Variants in CDIPT observed in about 807,000 individuals in gnomAD.
CDIPT encodes PI synthase.
In CDIPT, 17 loss-of-function variants were observed where a neutral mutation model predicts 21.6. The ratio of observed to expected loss-of-function variants is 0.79; its 90% CI spans 0.54 to 1.18. CDIPT has a LOEUF of 1.18. Ranked by LOEUF, CDIPT falls within the 50% of genes most tolerant of loss-of-function variation. The pLI is 0.00. For synonymous variants in CDIPT, 119 were observed against 117.9 expected (o/e 1.01, Z -0.06); for missense variants, 254 against 284.9 (o/e 0.89, Z 0.78).
At position 29,861,266 on chromosome 16, in the gene CDIPT, G is replaced by A; in HGVS notation, c.179-7C>T. On this transcript the variant is annotated splice_region_variant and splice_polypyrimidine_tract_variant and intron_variant, in intron 2 of 5. Coordinates refer to ENST00000219789, the MANE Select transcript of CDIPT (RefSeq NM_006319.5). Reference sequence around the variant, plus strand: ...ATGGCCCCAAACCGGGTTCCTGGAAGATTAGGTGGGCAAGGGCTGTTATGG... The same window carrying A: ...ATGGCCCCAAACCGGGTTCCTGGAAAATTAGGTGGGCAAGGGCTGTTATGG... The A allele has an allele frequency of 6.2e-7, 1 of 1,614,138 alleles. No individual in the cohort carries two copies. Among genetic ancestry groups the A allele is most frequent in the South Asian group, 1.1e-5 (1 of 91,074 alleles).
intron 3 of CDIPT, 74 bp from the exon 4 acceptor site, chr16:29,860,736 A>G (rs1021734858): frequency 1.5e-5 from 13 of 858,428 alleles, no homozygotes; most frequent in Admixed American, 7.9e-5. Context: ...GTTAACACCT[A>G]TTGTACAGAT....
chr16:29,861,039 C>T (rs748019050), intron 3 of CDIPT, 67 bp downstream of exon 3: 10 of 1,532,400 alleles, frequency 6.5e-6, no homozygotes, highest in South Asian at 2.2e-5. Flanking sequence ...GACACCCTTC[C>T]GTCTAGGCTC....
chr16:29,859,188 G>T lies in CDIPT; in HGVS notation c.*1C>A. The T allele has an allele frequency of 6.3e-7, 1 of 1,593,750 alleles. No individual in the cohort carries two copies. Among genetic ancestry groups the T allele is most frequent in the Non-Finnish European group, 8.5e-7 (1 of 1,171,786 alleles). The stretch of plus-strand genomic sequence containing the variant: ...GGCAGCCAGGACCCGGGGCTCCAGC[G>T]TCACTTCTTCTTGGCGCGGTCTGCT... On this transcript the variant is annotated 3_prime_UTR_variant, in exon 6 of 6. Coordinates refer to ENST00000219789, the MANE Select transcript of CDIPT (RefSeq NM_006319.5). This position sits in a 1 kb window ranked among gnomAD's most constrained non-coding sequence, Gnocchi z 4.5.
chr16:29,861,738 GTTTTTTT>G (rs948369652), intron 2 of CDIPT: 14 of 433,856 alleles, frequency 3.2e-5, no homozygotes, highest in African/African-American at 2.5e-4. Context: ...TTTGTTTTTT[GTTTTTTT>G]TTTTCCGAGA....
chr16:29,859,338 C>A lies in CDIPT; in HGVS notation c.497-4G>T. 6.4e-7 allele frequency: 1 copy of A among 1,565,010 alleles called. No individual in the cohort carries two copies. Among genetic ancestry groups the A allele is most frequent in the Non-Finnish European group, 8.7e-7 (1 of 1,154,348 alleles). ...CGGAACAGTCCCACAGAGCCAACTGCAGGAAGGCAGCAGGGGAGTTTGGGG... is the reference window on the plus strand; with the variant it reads ...CGGAACAGTCCCACAGAGCCAACTGAAGGAAGGCAGCAGGGGAGTTTGGGG... On this transcript the variant is annotated splice_region_variant and splice_polypyrimidine_tract_variant and intron_variant, in intron 5 of 5. Coordinates refer to ENST00000219789, the MANE Select transcript of CDIPT (RefSeq NM_006319.5). The surrounding 1 kb of genome is among the most constrained non-coding windows in gnomAD (Gnocchi z 4.5).
chr16:29,861,404 C>CTG, intron 2 of CDIPT, 145 bp from the exon 3 acceptor site: 2 of 1,545,672 alleles, frequency 1.3e-6, no homozygotes, highest in Non-Finnish European at 8.7e-7. Context: ...AGAAAACAGG[C>CTG]TGTGTGTGAG....
In CDIPT at chr16:29,859,270, C is replaced by A. The variant is rs375968767; in HGVS notation, c.561G>T (p.Ser187=). The A allele has an allele frequency of 1.9e-6, 3 of 1,584,994 alleles. No homozygotes were observed. Among genetic ancestry groups the A allele is most frequent in the Middle Eastern group, 1.7e-4 (1 of 5,994 alleles). The part of the protein sequence containing the change: ...WVTAPIALLK[S]LISVIHLITA... ...TGATCAGGTGGATGACGCTGATGAGCGACTTCAGCAAGGCGATGGGGGCAG... is the reference window on the plus strand; with the variant it reads ...TGATCAGGTGGATGACGCTGATGAGAGACTTCAGCAAGGCGATGGGGGCAG... Residue 187 remains serine (S), a synonymous_variant, in exon 6 of 6, where the codon TCG becomes TCT. Transcript: ENST00000219789. The surrounding 1 kb of genome is among the most constrained non-coding windows in gnomAD (Gnocchi z 4.5).
At position 29,861,745 on chromosome 16, in the gene CDIPT, T is replaced by G. The variant is rs58822978; in HGVS notation, c.179-486A>C. ...CACTGTTTTTTGTTTTTTGTTTTTT[T>G]TTTTCCGAGACAGAGTCTTGCTCTG... is the stretch of plus-strand genomic sequence containing the variant. On this transcript the variant is annotated intron_variant, in intron 2 of 5. Transcript: ENST00000219789. 2,648 of 512,348 alleles carry G rather than the reference T, an allele frequency of 5.2e-3. 32 individuals are homozygous for G. The highest frequency in any genetic ancestry group is 0.039 in the African/African-American group (2,030 of 52,272). 31.7% of individuals were successfully genotyped at this position (512,348 alleles called of 1,614,324 possible).
In CDIPT at chr16:29,863,025, C is replaced by T. The variant is rs753949526; in HGVS notation, c.-168G>A. The T allele has an allele frequency of 2.5e-6, 2 of 795,262 alleles. No homozygotes were observed. Among genetic ancestry groups the T allele is most frequent in the South Asian group, 1.5e-5 (1 of 68,916 alleles). 49.3% of individuals were successfully genotyped at this position (795,262 alleles called of 1,614,324 possible). On this transcript the variant is annotated 5_prime_UTR_variant, in exon 1 of 6. An upstream start codon of the reference 5' UTR is lost. Coordinates refer to ENST00000219789, the MANE Select transcript of CDIPT (RefSeq NM_006319.5). ...TGCTGAAGCCCGCAGCCGTCGGGAG[C>T]ATGGACCGGCCCCGAGGTGCGCGGG...
intron 3 of CDIPT, 118 bp from the exon 4 acceptor site, chr16:29,860,780 G>T: frequency 1.4e-6 from 1 of 695,604 alleles, no homozygotes. Context: ...CCAGTATCCT[G>T]CCGAAAGCCA....
At chr16:29,861,492 G>T in intron 2 of CDIPT, 3 of 1,535,766 alleles carry the variant, frequency 2.0e-6, no homozygotes, top group Middle Eastern at 1.7e-4. Context: ...GGAGAGGAAA[G>T]CTATGTCTGC....
In CDIPT at chr16:29,861,996, G is replaced by C. The variant is rs551522770; in HGVS notation, c.178+590C>G. ...TCCACCCACCTCGGCCTCCCAAAGTGCTGGGATTACAGGCGTGAGCCACCG... is the reference window on the plus strand; with the variant it reads ...TCCACCCACCTCGGCCTCCCAAAGTCCTGGGATTACAGGCGTGAGCCACCG... On this transcript the variant is annotated intron_variant, in intron 2 of 5. Transcript: ENST00000219789. Among the ~76,000 whole-genome samples the C allele has an allele frequency of 3.3e-5, 5 of 152,262 alleles. No homozygotes were observed. In the East Asian group the frequency reaches 5.8e-4, roughly 18 times the overall value.
rs2067691101 is a variant in CDIPT, at chr16:29,862,465, C to G, written c.178+121G>C. 9.6e-7 allele frequency: 1 copy of G among 1,043,326 alleles called. No individual in the cohort carries two copies. The highest frequency in any genetic ancestry group is 1.6e-5 in the African/African-American group (1 of 61,994). The allele number at this position is 1,043,326 out of a possible 1,614,324, so 64.6% of individuals were successfully genotyped here. A position where few individuals can be genotyped will look rare whatever the true frequency, so the allele number is the denominator to read the frequency against. ...CACAAAACAAAAAGCCCCAGGCCAT[C>G]CTGTTCTGCTTTTTCCAGAGATGGG... On this transcript the variant is annotated intron_variant, in intron 2 of 5. Coordinates refer to ENST00000219789, the MANE Select transcript of CDIPT (RefSeq NM_006319.5). This position sits in a 1 kb window ranked among gnomAD's most constrained non-coding sequence, Gnocchi z 6.7.
Position 29,859,231 on chromosome 16 carries a change from G to A in CDIPT, c.600C>T (p.Asn200=). The A allele has an allele frequency of 1.9e-6, 3 of 1,596,840 alleles. No homozygotes were observed. The highest frequency in any genetic ancestry group is 2.6e-6 in the Non-Finnish European group (3 of 1,172,520). Residue 200 remains asparagine, a synonymous_variant, in exon 6 of 6, where the codon AAC becomes AAT. Coordinates refer to ENST00000219789, the MANE Select transcript of CDIPT (RefSeq NM_006319.5). The surrounding 1 kb of genome is among the most constrained non-coding windows in gnomAD (Gnocchi z 4.5). ...SVIHLITAAR[N]MAALDAADRA... The stretch of plus-strand genomic sequence containing the variant: ...GGTCTGCTGCGTCCAGGGCAGCCAT[G>A]TTGCGGGCGGCCGTGATCAGGTGGA...
intron 2 of CDIPT, 47 bp from the exon 3 acceptor site, chr16:29,861,306 G>C: frequency 3.1e-6 from 5 of 1,610,246 alleles, no homozygotes; most frequent in Non-Finnish European, 4.2e-6. Flanking sequence ...GTGGATGCAG[G>C]ACAGGTGCCC....
chr16:29,859,841 C>T lies in CDIPT; in HGVS notation c.415-318G>A, dbSNP rs2067665333. On this transcript the variant is annotated intron_variant, in intron 4 of 5. Coordinates refer to ENST00000219789, the MANE Select transcript of CDIPT (RefSeq NM_006319.5). The surrounding 1 kb of genome is among the most constrained non-coding windows in gnomAD (Gnocchi z 4.5). ...GCCAACGTGGCGAAACCCCTCTCTA[C>T]TAACAATACAAAAATTAGCCGAGTG... Among the ~76,000 whole-genome samples the T allele has an allele frequency of 6.6e-6, 1 of 151,890 alleles. No individual in the cohort carries two copies. Among genetic ancestry groups the T allele is most frequent in the Non-Finnish European group, 1.5e-5 (1 of 68,002 alleles).
rs549648271 is a variant in CDIPT at position 29,862,852 on chromosome 16, T to G, written c.6A>C (p.Pro2=). Residue 2 remains proline, a synonymous_variant, in exon 1 of 6, where the codon CCA becomes CCC. Transcript: ENST00000219789. The surrounding 1 kb of genome is among the most constrained non-coding windows in gnomAD (Gnocchi z 6.7). M[P]DENIFLFVPN... ...GCACGAACAGGAAGATATTTTCGTC[T>G]GGCATCGCGGCGCCTCCCTTGCTGC... 1 of 1,613,770 alleles carries G rather than the reference T, an allele frequency of 6.2e-7. No homozygotes were observed. The highest frequency in any genetic ancestry group is 1.3e-5 in the African/African-American group (1 of 75,066).
Position 29,859,203 on chromosome 16 carries a change from C to A in CDIPT, c.628G>T (p.Ala210Ser). 3.1e-6 allele frequency: 5 copies of A among 1,596,300 alleles called. No individual in the cohort carries two copies. Among genetic ancestry groups the A allele is most frequent in the Non-Finnish European group, 3.4e-6 (4 of 1,172,750 alleles). ...GGGCTCCAGCGTCACTTCTTCTTGGCGCGGTCTGCTGCGTCCAGGGCAGCC... is the reference window on the plus strand; with the variant it reads ...GGGCTCCAGCGTCACTTCTTCTTGGAGCGGTCTGCTGCGTCCAGGGCAGCC... The part of the protein sequence containing the change: ...NMAALDAADR[A>S]KKK Residue 210 changes from alanine (A) to serine (S), a missense_variant, in exon 6 of 6, where the codon GCC becomes TCC. Coordinates refer to ENST00000219789, the MANE Select transcript of CDIPT (RefSeq NM_006319.5). The surrounding 1 kb of genome is among the most constrained non-coding windows in gnomAD (Gnocchi z 4.5).
In CDIPT at chr16:29,859,226, G is replaced by A. The variant is rs772545776; in HGVS notation, c.605C>T (p.Ala202Val). 4.4e-6 allele frequency: 7 copies of A among 1,597,300 alleles called. No individual in the cohort carries two copies. In the Admixed American group the frequency reaches 1.2e-4, roughly 28 times the overall value. The change falls in exon 6 of 6, where the codon GCT (alanine) becomes GTT (valine). Residue 202 changes from alanine to valine, a missense_variant. Transcript: ENST00000219789. The surrounding 1 kb of genome is among the most constrained non-coding windows in gnomAD (Gnocchi z 4.5). ...IHLITAARNMAALDAADRAKK... is the reference protein window; with the variant it reads ...IHLITAARNMVALDAADRAKK... Reference sequence around the variant, plus strand: ...GGCGCGGTCTGCTGCGTCCAGGGCAGCCATGTTGCGGGCGGCCGTGATCAG... The same window carrying A: ...GGCGCGGTCTGCTGCGTCCAGGGCAACCATGTTGCGGGCGGCCGTGATCAG...
Sources: gnomAD v4.1 joint callset for allele counts (sites outside exome capture counted in the v4.1 genomes callset) on GRCh38, gnomAD v4.1.1 for gene constraint, Gnocchi (gnomAD v3.1) non-coding constraint, MANE v1.5 for transcripts, NCBI Gene and HGNC (gene_info 2026-07-23, HGNC 2026-07-21) for gene names.